Variants in BCAS2 observed in about 807,000 individuals in gnomAD.
BCAS2 encodes the protein pre-mRNA-splicing factor SPF27.
BCAS2 carries 34 observed loss-of-function variants against 35.3 expected under a neutral mutation model. The ratio of observed to expected loss-of-function variants is 0.96; its 90% CI spans 0.73 to 1.28. BCAS2 has a LOEUF of 1.28. Ranked by LOEUF, BCAS2 falls within the 50% of genes most tolerant of loss-of-function variation. The pLI is 0.00. For missense variants in BCAS2, 221 were observed against 268.1 expected, an observed-to-expected ratio of 0.82 and a Z score of 1.23; for synonymous variants, 75 against 91.6, an observed-to-expected ratio of 0.82 and a Z score of 1.03.
At position 114,581,587 on chromosome 1, in the gene BCAS2, G is replaced by C. The variant is rs755575653; in HGVS notation, c.5C>G (p.Ala2Gly). Residue 2 changes from alanine (A) to glycine (G), a missense_variant, in exon 1 of 7, where the codon GCG becomes GGG. Coordinates refer to ENST00000369541, the MANE Select transcript of BCAS2 (RefSeq NM_005872.3). Reference sequence around the variant, plus strand: ...CTCTCCAGCCACCAAACCTGTGCCCGCCATTCTGAGGACCTCAGGTTTGCC... The same window carrying C: ...CTCTCCAGCCACCAAACCTGTGCCCCCCATTCTGAGGACCTCAGGTTTGCC... Reference protein sequence around the residue: MAGTGLVAGEVV... With the variant: MGGTGLVAGEVV... 1.2e-6 allele frequency: 2 copies of C among 1,613,164 alleles called. No individual in the cohort carries two copies. The highest frequency in any genetic ancestry group is 1.7e-5 in the Admixed American group (1 of 60,010).
intron 2 of BCAS2, among the ~76,000 whole-genome samples, chr1:114,579,073 C>T (rs1488311392): frequency 2.0e-5 from 3 of 152,064 alleles, no homozygotes; most frequent in Non-Finnish European, 2.9e-5. Flanking sequence ...GTCAGGAGTT[C>T]GAGACCAGCC....
chr1:114,574,202 A>G (rs974186628), intron 4 of BCAS2, among the ~76,000 whole-genome samples: 1 of 152,214 alleles, frequency 6.6e-6, no homozygotes, highest in African/African-American at 2.4e-5. Flanking sequence ...GTAATCCCAA[A>G]ATTACTACTT....
At position 114,574,937 on chromosome 1, in the gene BCAS2, T is replaced by G. The variant is rs190003583; in HGVS notation, c.419+653A>C. On this transcript the variant is annotated intron_variant, in intron 4 of 6. Transcript: ENST00000369541. ...GTGGCTGGAGTGCAGTGGCACAATC[T>G]CAGCTCATTGCAACCTCTGCCTCCC... Among the ~76,000 whole-genome samples the G allele has an allele frequency of 8.1e-3, 1,239 of 152,164 alleles. 11 individuals are homozygous for G. The highest frequency in any genetic ancestry group is 0.012 in the Non-Finnish European group (808 of 67,988).
At chr1:114,576,429 CGTTT>C (rs1654767991) in intron 3 of BCAS2, among the ~76,000 whole-genome samples, 1 of 135,826 alleles carries the variant, frequency 7.4e-6, no homozygotes, top group Admixed American at 7.3e-5. Flanking sequence ...CACCCAGGTA[CGTTT>C]ATTATTATTA....
chr1:114,577,762 A>C (rs1309856102), intron 2 of BCAS2, among the ~76,000 whole-genome samples: 1 of 152,276 alleles, frequency 6.6e-6, no homozygotes, highest in Non-Finnish European at 1.5e-5. Flanking sequence ...CTGAGGATAA[A>C]GAACTGCTTA....
At chr1:114,568,365 T>C in intron 6 of BCAS2, 109 bp from the exon 7 acceptor site, 2 of 1,070,812 alleles carry the variant, frequency 1.9e-6, no homozygotes, top group Non-Finnish European at 2.5e-6. Context: ...ACACTAACCT[T>C]CACTTTTTTT....
At chr1:114,578,490 A>G (rs761594885) in intron 2 of BCAS2, among the ~76,000 whole-genome samples, 6 of 152,212 alleles carry the variant, frequency 3.9e-5, no homozygotes, top group Non-Finnish European at 5.9e-5. Flanking sequence ...CATGCTCAGT[A>G]AGTGATAAAT....
chr1:114,580,064 G>C (rs564868633), intron 2 of BCAS2, among the ~76,000 whole-genome samples: 1 of 151,830 alleles, frequency 6.6e-6, no homozygotes, highest in Non-Finnish European at 1.5e-5. Flanking sequence ...CTCCTGAGTA[G>C]CTGGGGCTAC....
Position 114,570,763 on chromosome 1 carries a change from A to C in BCAS2, c.420-13T>G. On this transcript the variant is annotated splice_polypyrimidine_tract_variant and intron_variant, in intron 4 of 6. Transcript: ENST00000369541. ...ATGAACTAGATTTCTGAAGGAAAAG[A>C]GGAAAATCAGATTAAAATACATTAA... The C allele has an allele frequency of 6.4e-7, 1 of 1,557,044 alleles. No individual in the cohort carries two copies. The highest frequency in any genetic ancestry group is 8.8e-7 in the Non-Finnish European group (1 of 1,139,188).
chr1:114,573,978 A>G (rs1183599057), intron 4 of BCAS2, among the ~76,000 whole-genome samples: 1 of 152,228 alleles, frequency 6.6e-6, no homozygotes, highest in African/African-American at 2.4e-5. Flanking sequence ...ACTGTTATGA[A>G]GTTCAGTGGC....
intron 4 of BCAS2, among the ~76,000 whole-genome samples, chr1:114,575,363 A>AT (rs34989850): frequency 3.5e-4 from 47 of 133,762 alleles, no homozygotes; most frequent in East Asian, 6.7e-4. Context: ...AATTTTTTGT[A>AT]TTTTTTTTTT....
At chr1:114,569,167 A>C (rs1320903387) in intron 6 of BCAS2, among the ~76,000 whole-genome samples, 1 of 152,204 alleles carries the variant, frequency 6.6e-6, no homozygotes, top group Non-Finnish European at 1.5e-5. Context: ...TGCAAACCAG[A>C]AGAAAGAGGA....
In BCAS2 at chr1:114,570,744, T is replaced by C; in HGVS notation, c.426A>G (p.Leu142=). 3 of 1,585,110 alleles carry C rather than the reference T, an allele frequency of 1.9e-6. No individual in the cohort carries two copies. The South Asian group carries it at 3.4e-5, about 18-fold the overall frequency. The change falls in exon 5 of 7, where the codon CTA becomes CTG. Residue 142 remains leucine (L), a synonymous_variant. Coordinates refer to ENST00000369541, the MANE Select transcript of BCAS2 (RefSeq NM_005872.3). ...TCTGTGCGTGTTCAATCATATGAACTAGATTTCTGAAGGAAAAGAGGAAAA... is the reference window on the plus strand; with the variant it reads ...TCTGTGCGTGTTCAATCATATGAACCAGATTTCTGAAGGAAAAGAGGAAAA... ...CNAWKVYNEN[L]VHMIEHAQKE...
At position 114,581,602 on chromosome 1, in the gene BCAS2, T is replaced by C; in HGVS notation, c.-11A>G. 6.2e-7 allele frequency: 1 copy of C among 1,612,928 alleles called. No homozygotes were observed. Among genetic ancestry groups the C allele is most frequent in the Non-Finnish European group, 8.5e-7 (1 of 1,179,962 alleles). On this transcript the variant is annotated 5_prime_UTR_variant, in exon 1 of 7. Coordinates refer to ENST00000369541, the MANE Select transcript of BCAS2 (RefSeq NM_005872.3). The stretch of plus-strand genomic sequence containing the variant: ...ACCTGTGCCCGCCATTCTGAGGACC[T>C]CAGGTTTGCCTGCGTTTTCTGCGTC...
chr1:114,576,780 A>G (rs751658982), intron 2 of BCAS2, 22 bp from the exon 3 acceptor site: 1 of 1,564,416 alleles, frequency 6.4e-7, no homozygotes, highest in Non-Finnish European at 8.8e-7. Flanking sequence ...ATCAGAAAAA[A>G]GATTTCTAAG....
rs138570690 is a variant in BCAS2, at chr1:114,569,400, G to A, written c.551+592C>T. On this transcript the variant is annotated intron_variant, in intron 6 of 6. Coordinates refer to ENST00000369541, the MANE Select transcript of BCAS2 (RefSeq NM_005872.3). ...GATTATATTGTATAAAGGTATACAT[G>A]TGTGTATGTAAAAGAACATTTTTAA... 8.9e-4 allele frequency among the ~76,000 whole-genome samples: 135 copies of A among 152,220 alleles called. 1 individual carries two copies. Among genetic ancestry groups the A allele is most frequent in the African/African-American group, 3.0e-3 (123 of 41,534 alleles).
chr1:114,574,145 G>GCTTGTTTTGT (rs1654706242), intron 4 of BCAS2, among the ~76,000 whole-genome samples: 1 of 152,182 alleles, frequency 6.6e-6, no homozygotes, highest in Non-Finnish European at 1.5e-5. Flanking sequence ...ACAGAAACAG[G>GCTTGTTTTGT]ATGTCAGTGG....
chr1:114,576,844 C>T, intron 2 of BCAS2, 86 bp from the exon 3 acceptor site: 2 of 958,326 alleles, frequency 2.1e-6, no homozygotes, highest in South Asian at 1.4e-5. Context: ...TTAAGCTACA[C>T]TACCCATTAT....
At chr1:114,579,895 A>G (rs1459386027) in intron 2 of BCAS2, among the ~76,000 whole-genome samples, 1 of 151,416 alleles carries the variant, frequency 6.6e-6, no homozygotes, top group African/African-American at 2.4e-5. Flanking sequence ...CTTAACTAAC[A>G]ATTTTTTCAT....
Sources: allele counts gnomAD v4.1 joint callset (sites outside exome capture counted in the v4.1 genomes callset), GRCh38; gene constraint gnomAD v4.1.1; transcripts MANE v1.5; gene names NCBI Gene and HGNC (gene_info 2026-07-23, HGNC 2026-07-21).